The following SEMA3A variants were observed in gnomAD, a reference collection of about 807,000 sequenced individuals.
SEMA3A encodes semaphorin-3A.
SEMA3A carries 29 observed loss-of-function variants against 97.9 expected under a neutral mutation model. The ratio of observed to expected loss-of-function variants is 0.30; its 90% CI spans 0.22 to 0.40. The LOEUF is 0.40. Ranked by LOEUF, SEMA3A falls within the 10% of genes least tolerant of loss-of-function variation. The probability of loss-of-function intolerance (pLI) is 1.00; values close to 1 mark genes in which losing one functional copy is unlikely to be tolerated. For synonymous variants in SEMA3A, 321 were observed against 323.7 expected (o/e 0.99, Z 0.09); for missense variants, 763 against 951.3 (o/e 0.80, Z 2.60).
chr7:83,987,005 C>G (rs1358281328), intron 12 of SEMA3A, among the ~76,000 whole-genome samples: 1 of 151,712 alleles, frequency 6.6e-6, no homozygotes, highest in Non-Finnish European at 1.5e-5. Context: ...CGCACACACA[C>G]ATGCATTTCC....
chr7:84,285,436 T>C (rs1293499057), intron 3 of SEMA3A, among the ~76,000 whole-genome samples: 1 of 152,196 alleles, frequency 6.6e-6, no homozygotes, highest in Admixed American at 6.6e-5. Flanking sequence ...AACATGCAGT[T>C]ATGGCAGTAG....
At chr7:84,319,291 G>A (rs937174197) in intron 2 of SEMA3A, among the ~76,000 whole-genome samples, 2 of 152,122 alleles carry the variant, frequency 1.3e-5, no homozygotes, top group Non-Finnish European at 2.9e-5. Flanking sequence ...AGCTGGAAGA[G>A]TCAATAGACC....
At chr7:84,136,327 T>G (rs1007885237) in intron 1 of SEMA3A, among the ~76,000 whole-genome samples, 1 of 152,238 alleles carries the variant, frequency 6.6e-6, no homozygotes, top group African/African-American at 2.4e-5. Context: ...CCTACTGACC[T>G]CTTCATTTTA....
intron 4 of SEMA3A, among the ~76,000 whole-genome samples, chr7:84,063,732 A>C (rs1793354771): frequency 6.7e-6 from 1 of 150,362 alleles, no homozygotes; most frequent in African/African-American, 2.4e-5. Flanking sequence ...AAGAATAAAA[A>C]GAAATGAGCA....
intron 1 of SEMA3A, among the ~76,000 whole-genome samples, chr7:84,186,164 AT>A (rs1258411301): frequency 6.6e-6 from 1 of 152,124 alleles, no homozygotes; most frequent in African/African-American, 2.4e-5. Context: ...ACCTTCTCAT[AT>A]TTGTCCTATC....
At chr7:84,491,892 A>G (rs1181200418) in intron 1 of SEMA3A, among the ~76,000 whole-genome samples, 1 of 152,046 alleles carries the variant, frequency 6.6e-6, no homozygotes, top group Non-Finnish European at 1.5e-5. Flanking sequence ...TGTTTTAAAT[A>G]CTCACTATCA....
chr7:84,418,970 C>T (rs1262355830), intron 1 of SEMA3A, among the ~76,000 whole-genome samples: 1 of 151,782 alleles, frequency 6.6e-6, no homozygotes, highest in Non-Finnish European at 1.5e-5. Context: ...CACACACATA[C>T]ATATATATAC....
chr7:84,141,712 CTA>C (rs1288407344), intron 1 of SEMA3A, among the ~76,000 whole-genome samples: 1 of 152,048 alleles, frequency 6.6e-6, no homozygotes, highest in East Asian at 1.9e-4. Flanking sequence ...TTGTTCCCCT[CTA>C]TGTATTGTTC....
chr7:84,124,256 C>T (rs1378485625), intron 3 of SEMA3A, among the ~76,000 whole-genome samples: 1 of 152,162 alleles, frequency 6.6e-6, no homozygotes, highest in East Asian at 1.9e-4. Flanking sequence ...TAGCATTTTA[C>T]CCAGTGTGAC....
intron 4 of SEMA3A, among the ~76,000 whole-genome samples, chr7:84,078,880 G>T (rs1247008266): frequency 6.6e-6 from 1 of 151,974 alleles, no homozygotes; most frequent in Non-Finnish European, 1.5e-5. Flanking sequence ...TATATTTAAT[G>T]ATTGCAAAAT....
At chr7:84,479,022 T>A (rs1806374647) in intron 1 of SEMA3A, among the ~76,000 whole-genome samples, 1 of 152,196 alleles carries the variant, frequency 6.6e-6, no homozygotes, top group South Asian at 2.1e-4. Context: ...CAATTTCTTA[T>A]CTTTCTTTGG....
At chr7:84,077,056 C>A (rs1424236292) in intron 4 of SEMA3A, among the ~76,000 whole-genome samples, 1 of 152,056 alleles carries the variant, frequency 6.6e-6, no homozygotes, top group Non-Finnish European at 1.5e-5. Flanking sequence ...CTATGAATGC[C>A]TGTTAACTCC....
chr7:84,085,902 C>G (rs765398983), intron 4 of SEMA3A, among the ~76,000 whole-genome samples: 1 of 152,142 alleles, frequency 6.6e-6, no homozygotes, highest in Non-Finnish European at 1.5e-5. Context: ...GGATGTACAA[C>G]TGAACCTTAA....
intron 1 of SEMA3A, among the ~76,000 whole-genome samples, chr7:84,399,142 T>A (rs1007691578): frequency 1.3e-5 from 2 of 151,900 alleles, no homozygotes; most frequent in Non-Finnish European, 2.9e-5. Context: ...GCACGGTGAG[T>A]GTGGGATTAT....
chr7:84,469,204 G>A (rs896951612), intron 1 of SEMA3A, among the ~76,000 whole-genome samples: 6 of 152,140 alleles, frequency 3.9e-5, no homozygotes, highest in African/African-American at 1.4e-4. Context: ...GCTAAATGAT[G>A]TAATATTACT....
chr7:84,352,740 A>G (rs1245642071), intron 2 of SEMA3A, among the ~76,000 whole-genome samples: 1 of 151,878 alleles, frequency 6.6e-6, no homozygotes, highest in Non-Finnish European at 1.5e-5. Flanking sequence ...AGAAAGATAC[A>G]GTTTCTTAAC....
At chr7:84,277,451 T>C (rs1290074885) in intron 3 of SEMA3A, among the ~76,000 whole-genome samples, 1 of 152,100 alleles carries the variant, frequency 6.6e-6, no homozygotes, top group Non-Finnish European at 1.5e-5. Flanking sequence ...ACTGAACTTT[T>C]GGTTGCTACA....
chr7:84,039,491 A>G (rs1435460252), intron 6 of SEMA3A, among the ~76,000 whole-genome samples: 8 of 152,180 alleles, frequency 5.3e-5, no homozygotes, highest in African/African-American at 1.9e-4. Flanking sequence ...TCCCATGGGC[A>G]AATGGTAAGG....
chr7:84,213,563 G>A (rs954022500), intron 3 of SEMA3A, among the ~76,000 whole-genome samples: 5 of 152,256 alleles, frequency 3.3e-5, no homozygotes, highest in Middle Eastern at 3.4e-3. Flanking sequence ...TGGGATTATA[G>A]GCATAAGCCA....
Sources: gnomAD v4.1 joint callset for allele counts (sites outside exome capture counted in the v4.1 genomes callset) on GRCh38, gnomAD v4.1.1 for gene constraint, MANE v1.5 for transcripts, NCBI Gene and HGNC (gene_info 2026-07-23, HGNC 2026-07-21) for gene names.